PTPRD: variants seen among roughly 807,000 people sequenced by gnomAD.
PTPRD encodes the protein protein tyrosine phosphatase receptor type D.
Under a neutral mutation model 214.5 loss-of-function variants are expected in PTPRD, and 34 were observed. The observed-to-expected ratio is 0.16, with a 90% confidence interval of 0.12 to 0.21. The LOEUF (loss-of-function observed/expected upper bound fraction) is 0.21, where lower values mean the gene tolerates loss of function less well. Ranked by LOEUF, PTPRD falls within the 10% of genes least tolerant of loss-of-function variation. The pLI, the probability that PTPRD is intolerant of heterozygous loss-of-function variation, is 1.00. For synonymous variants in PTPRD, 1,128 were observed against 845.7 expected, an observed-to-expected ratio of 1.33 and a Z score of -5.79; for missense variants, 2,545 against 2,398.7, an observed-to-expected ratio of 1.06 and a Z score of -1.27.
At chr9:9,234,566 A>T (rs1458297533) in intron 9 of PTPRD, among the ~76,000 whole-genome samples, 1 of 152,038 alleles carries the variant, frequency 6.6e-6, no homozygotes, top group Non-Finnish European at 1.5e-5. Flanking sequence ...CCGGCTGCAA[A>T]TTTTCCAAAC....
intron 7 of PTPRD, among the ~76,000 whole-genome samples, chr9:9,617,000 G>T (rs977756434): frequency 6.6e-6 from 1 of 152,008 alleles, no homozygotes; most frequent in Admixed American, 6.6e-5. Context: ...ATTCCTTCCT[G>T]TATAAAGCCA....
chr9:9,219,169 T>C (rs768967596), intron 9 of PTPRD, among the ~76,000 whole-genome samples: 19 of 152,104 alleles, frequency 1.2e-4, no homozygotes, highest in Non-Finnish European at 2.5e-4. Flanking sequence ...AAAAATAGAA[T>C]TGTTAAAATT....
chr9:8,608,106 A>G (rs369490070), intron 14 of PTPRD, among the ~76,000 whole-genome samples: 5 of 146,284 alleles, frequency 3.4e-5, no homozygotes, highest in Admixed American at 2.7e-4. Context: ...AGAATAGGAC[A>G]CAGTATTTCT....
At chr9:8,615,094 G>A (rs1243018277) in intron 14 of PTPRD, among the ~76,000 whole-genome samples, 1 of 152,090 alleles carries the variant, frequency 6.6e-6, no homozygotes, top group South Asian at 2.1e-4. Context: ...GGCTTTACCA[G>A]AATGACATTT....
chr9:8,702,976 C>A (rs966822964), intron 12 of PTPRD, among the ~76,000 whole-genome samples: 2 of 152,154 alleles, frequency 1.3e-5, no homozygotes, highest in Non-Finnish European at 2.9e-5. Flanking sequence ...GTTAGCACTA[C>A]TGAATCAACT....
chr9:9,620,438 T>C (rs2095175442), intron 7 of PTPRD, among the ~76,000 whole-genome samples: 1 of 152,200 alleles, frequency 6.6e-6, no homozygotes, highest in African/African-American at 2.4e-5. Flanking sequence ...CATAACATTC[T>C]TTATGTAAGA....
chr9:9,897,276 A>G (rs920634346), intron 5 of PTPRD, among the ~76,000 whole-genome samples: 1 of 152,026 alleles, frequency 6.6e-6, no homozygotes, highest in Non-Finnish European at 1.5e-5. Context: ...TCCACAGTTG[A>G]CTCTGACTTA....
chr9:8,374,011 G>A (rs1588984701), intron 39 of PTPRD, among the ~76,000 whole-genome samples: 1 of 151,152 alleles, frequency 6.6e-6, no homozygotes. Flanking sequence ...ATTTTGAAAT[G>A]CAATGTGAAA....
intron 7 of PTPRD, among the ~76,000 whole-genome samples, chr9:9,616,797 C>G (rs912254255): frequency 6.6e-6 from 1 of 152,280 alleles, no homozygotes; most frequent in East Asian, 1.9e-4. Flanking sequence ...GCTGCTCTGC[C>G]TATGGAGTAG....
intron 3 of PTPRD, among the ~76,000 whole-genome samples, chr9:10,200,996 C>T (rs2099417782): frequency 6.6e-6 from 1 of 151,974 alleles, no homozygotes; most frequent in Non-Finnish European, 1.5e-5. Context: ...ACACAGCTAA[C>T]TGGATAGAGA....
At chr9:9,326,124 T>C (rs950077876) in intron 9 of PTPRD, among the ~76,000 whole-genome samples, 1 of 152,066 alleles carries the variant, frequency 6.6e-6, no homozygotes, top group Admixed American at 6.6e-5. Context: ...ACAATAACTC[T>C]GATATAACTA....
chr9:8,329,997 C>A (rs1163196248), intron 44 of PTPRD, among the ~76,000 whole-genome samples: 2 of 151,226 alleles, frequency 1.3e-5, no homozygotes, highest in Non-Finnish European at 2.9e-5. Flanking sequence ...GGGTGGGACA[C>A]ACCAAGCCAG....
At chr9:9,651,866 G>C (rs1374995031) in intron 7 of PTPRD, among the ~76,000 whole-genome samples, 1 of 112,388 alleles carries the variant, frequency 8.9e-6, no homozygotes, top group East Asian at 2.8e-4. Context: ...ATGGAGTCTC[G>C]CTCTGTCACC....
At chr9:9,399,851 T>C (rs1218585251) in intron 8 of PTPRD, among the ~76,000 whole-genome samples, 2 of 152,030 alleles carry the variant, frequency 1.3e-5, no homozygotes, top group Non-Finnish European at 2.9e-5. Flanking sequence ...ATCTTTCCTT[T>C]GCTAAATTAC....
At chr9:9,746,450 A>G (rs2761702) in intron 6 of PTPRD, among the ~76,000 whole-genome samples, 1 of 152,010 alleles carries the variant, frequency 6.6e-6, no homozygotes. Flanking sequence ...ATGAGGAACC[A>G]CCTCTTCAGT....
chr9:8,535,700 G>A (rs1469491116), intron 14 of PTPRD, among the ~76,000 whole-genome samples: 2 of 151,838 alleles, frequency 1.3e-5, no homozygotes, highest in Admixed American at 6.6e-5. Context: ...TTAAAAAGAT[G>A]ATGCCAAGAA....
At chr9:9,085,221 AAGAT>A (rs1210255814) in intron 10 of PTPRD, among the ~76,000 whole-genome samples, 3 of 152,202 alleles carry the variant, frequency 2.0e-5, no homozygotes, top group South Asian at 2.1e-4. Flanking sequence ...ACTGAAAAGA[AAGAT>A]AGACACAAGA....
intron 11 of PTPRD, among the ~76,000 whole-genome samples, chr9:8,928,192 A>G (rs2098917527): frequency 6.6e-6 from 1 of 152,132 alleles, no homozygotes; most frequent in Non-Finnish European, 1.5e-5. Context: ...GCTGTTCAGA[A>G]GCTCTTTAGT....
At chr9:8,898,486 T>C (rs1029238743) in intron 11 of PTPRD, among the ~76,000 whole-genome samples, 2 of 152,346 alleles carry the variant, frequency 1.3e-5, no homozygotes, top group South Asian at 2.1e-4. Flanking sequence ...ATTTCTATTT[T>C]ATATGGATTG....
Sources: gnomAD v4.1 joint callset for allele counts (sites outside exome capture counted in the v4.1 genomes callset) on GRCh38, gnomAD v4.1.1 for gene constraint, MANE v1.5 for transcripts, NCBI Gene and HGNC (gene_info 2026-07-23, HGNC 2026-07-21) for gene names.